ITGB3BP: variants seen among roughly 807,000 people sequenced by gnomAD.
ITGB3BP encodes the protein integrin subunit beta 3 binding protein.
A neutral mutation model predicts 29.1 loss-of-function variants in ITGB3BP; 27 were observed. The observed-to-expected ratio is 0.93, with a 90% CI of 0.68 to 1.28. ITGB3BP has a LOEUF of 1.28. Ranked by LOEUF, ITGB3BP falls within the 50% of genes most tolerant of loss-of-function variation. The pLI, the probability that ITGB3BP is intolerant of heterozygous loss-of-function variation, is 0.00. For synonymous variants in ITGB3BP, 61 were observed against 61.4 expected (o/e 0.99, Z 0.03); for missense variants, 192 against 200.2 (o/e 0.96, Z 0.25).
chr1:63,517,721 T>A (rs1646365035), intron 1 of ITGB3BP, among the ~76,000 whole-genome samples: 1 of 152,144 alleles, frequency 6.6e-6, no homozygotes, highest in Non-Finnish European at 1.5e-5. Flanking sequence ...CTTTTTCCTT[T>A]TTTGTTGTTG....
At chr1:63,472,450 C>T (rs1340443031) in intron 4 of ITGB3BP, among the ~76,000 whole-genome samples, 2 of 101,210 alleles carry the variant, frequency 2.0e-5, no homozygotes, top group Non-Finnish European at 4.3e-5. Flanking sequence ...CTCTCCCTCT[C>T]CCCTCTCCCC....
intron 2 of ITGB3BP, among the ~76,000 whole-genome samples, chr1:63,499,076 G>C (rs1189656319): frequency 6.6e-6 from 1 of 150,440 alleles, no homozygotes; most frequent in Non-Finnish European, 1.5e-5. Flanking sequence ...AGCATGTAAA[G>C]ACATAAGAGT....
chr1:63,523,059 G>A, intron 1 of ITGB3BP, 70 bp downstream of exon 1: 7 of 1,567,504 alleles, frequency 4.5e-6, no homozygotes, highest in Non-Finnish European at 6.2e-6. Flanking sequence ...AAAGGCTACT[G>A]GGCCACATAA....
At chr1:63,515,348 A>G (rs1478351715) in intron 1 of ITGB3BP, among the ~76,000 whole-genome samples, 1 of 151,984 alleles carries the variant, frequency 6.6e-6, no homozygotes, top group Non-Finnish European at 1.5e-5. Context: ...CTATTTCTCT[A>G]TATGCCCAAA....
At chr1:63,475,915 T>C (rs1645330353) in intron 4 of ITGB3BP, among the ~76,000 whole-genome samples, 1 of 151,134 alleles carries the variant, frequency 6.6e-6, no homozygotes, top group African/African-American at 2.4e-5. Flanking sequence ...GGAGAACAGC[T>C]TGAGCCCAGG....
intron 3 of ITGB3BP, among the ~76,000 whole-genome samples, chr1:63,488,632 G>A (rs888731121): frequency 3.3e-5 from 5 of 151,980 alleles, no homozygotes; most frequent in Non-Finnish European, 7.4e-5. Context: ...GATAAGCAAT[G>A]TAATGATTAC....
chr1:63,454,173 G>C lies in ITGB3BP; in HGVS notation c.428-199C>G, dbSNP rs1644900499. Among the ~76,000 whole-genome samples the C allele has an allele frequency of 1.3e-5, 2 of 151,714 alleles. No homozygotes were observed. Among genetic ancestry groups the C allele is most frequent in the Non-Finnish European group, 2.9e-5 (2 of 67,874 alleles). The stretch of plus-strand genomic sequence containing the variant: ...GAAATGCCTACTACCAGTTTCCAAG[G>C]TGCATTCTTTTCATTCACATTCAAG... On this transcript the variant is annotated intron_variant, in intron 6 of 8. Coordinates refer to ENST00000271002, the MANE Select transcript of ITGB3BP (RefSeq NM_014288.5). The surrounding 1 kb of genome is among the most constrained non-coding windows in gnomAD (Gnocchi z 4.1).
chr1:63,465,561 A>T (rs995978607), intron 4 of ITGB3BP, among the ~76,000 whole-genome samples: 2 of 148,570 alleles, frequency 1.3e-5, no homozygotes, highest in Non-Finnish European at 3.0e-5. Flanking sequence ...CTTGCTAATT[A>T]AAAAAAAAAA....
At chr1:63,449,141 C>A (rs530127584) in intron 7 of ITGB3BP, among the ~76,000 whole-genome samples, 1 of 152,172 alleles carries the variant, frequency 6.6e-6, no homozygotes, top group South Asian at 2.1e-4. Context: ...ATTTATGAAA[C>A]CTTTGCACAA....
chr1:63,497,323 C>CA (rs1249757009), intron 2 of ITGB3BP, among the ~76,000 whole-genome samples: 2 of 151,976 alleles, frequency 1.3e-5, no homozygotes, highest in Non-Finnish European at 2.9e-5. Context: ...TAAAATAAAA[C>CA]AAAAAATCCT....
At chr1:63,489,731 T>C (rs963623733) in intron 3 of ITGB3BP, among the ~76,000 whole-genome samples, 3 of 152,074 alleles carry the variant, frequency 2.0e-5, no homozygotes, top group Non-Finnish European at 4.4e-5. Flanking sequence ...CACTCTTAAG[T>C]TGTAGTGCAG....
chr1:63,487,517 T>G (rs1645554035), intron 3 of ITGB3BP, among the ~76,000 whole-genome samples: 1 of 152,124 alleles, frequency 6.6e-6, no homozygotes, highest in South Asian at 2.1e-4. Context: ...ATCGTAGGTG[T>G]GCTTATACAA....
intron 1 of ITGB3BP, among the ~76,000 whole-genome samples, chr1:63,518,185 T>C (rs1646376267): frequency 6.6e-6 from 1 of 152,232 alleles, no homozygotes; most frequent in African/African-American, 2.4e-5. Context: ...TTGCCTCCTA[T>C]TCCTAGTTTG....
intron 3 of ITGB3BP, among the ~76,000 whole-genome samples, chr1:63,479,971 T>C (rs1467125925): frequency 4.6e-5 from 7 of 152,172 alleles, no homozygotes; most frequent in East Asian, 1.9e-4. Flanking sequence ...AGTAGTGGGA[T>C]TGCTGGGTCA....
At chr1:63,493,100 G>A (rs950024970) in intron 2 of ITGB3BP, among the ~76,000 whole-genome samples, 3 of 149,466 alleles carry the variant, frequency 2.0e-5, no homozygotes, top group Non-Finnish European at 3.0e-5. Flanking sequence ...GCGCGCGCGC[G>A]CAAGAAAATA....
At chr1:63,470,343 A>G (rs186337039) in intron 4 of ITGB3BP, among the ~76,000 whole-genome samples, 2 of 152,338 alleles carry the variant, frequency 1.3e-5, no homozygotes, top group Admixed American at 6.5e-5. Context: ...GTCTATTAGT[A>G]TAGAAATAAA....
At chr1:63,459,000 CAT>C in intron 4 of ITGB3BP, among the ~76,000 whole-genome samples, 1 of 152,140 alleles carries the variant, frequency 6.6e-6, no homozygotes, top group East Asian at 1.9e-4. Flanking sequence ...CTTTCCACCA[CAT>C]ATGTCTTTCT....
At chr1:63,528,802 T>C (rs544208933) in intron 2 of ITGB3BP, among the ~76,000 whole-genome samples, 1 of 152,300 alleles carries the variant, frequency 6.6e-6, no homozygotes, top group East Asian at 1.9e-4. Context: ...ATAAAAATAA[T>C]TTAGTAGTTG....
At chr1:63,503,934 A>G (rs1224467380) in intron 2 of ITGB3BP, among the ~76,000 whole-genome samples, 1 of 152,066 alleles carries the variant, frequency 6.6e-6, no homozygotes, top group African/African-American at 2.4e-5. Context: ...TATAGTTTGA[A>G]GTCAGGTAGC....
Sources: gnomAD v4.1 joint callset for allele counts (sites outside exome capture counted in the v4.1 genomes callset) on GRCh38, gnomAD v4.1.1 for gene constraint, Gnocchi (gnomAD v3.1) non-coding constraint, MANE v1.5 for transcripts, NCBI Gene and HGNC (gene_info 2026-07-23, HGNC 2026-07-21) for gene names.